The following PEX13 variants were observed in gnomAD, a reference collection of about 807,000 sequenced individuals.
PEX13 encodes the protein peroxisome biogenesis factor 13.
Under a neutral mutation model 34.5 loss-of-function variants are expected in PEX13, and 28 were observed. The observed-to-expected ratio is 0.81, with a 90% CI of 0.60 to 1.11. The LOEUF (loss-of-function observed/expected upper bound fraction) is 1.11. Ranked by LOEUF, PEX13 falls within the 50% of genes most tolerant of loss-of-function variation. The pLI is 0.00. For missense variants in PEX13, 550 were observed against 491.0 expected (o/e 1.12, Z -1.13); for synonymous variants, 177 against 175.1 (o/e 1.01, Z -0.09).
At chr2:61,031,270 C>G in intron 1 of PEX13, 149 bp from the exon 2 acceptor site, 1 of 705,142 alleles carries the variant, frequency 1.4e-6, no homozygotes, top group Admixed American at 2.1e-5. Flanking sequence ...CCAGCTTGGG[C>G]AACAGAGTGA....
chr2:61,032,145 A>G, intron 2 of PEX13, 32 bp downstream of exon 2: 2 of 1,370,426 alleles, frequency 1.5e-6, no homozygotes, highest in Non-Finnish European at 2.1e-6. Context: ...AGGTTCAGAT[A>G]CCATATAACA....
intron 2 of PEX13, among the ~76,000 whole-genome samples, chr2:61,039,590 A>C (rs1680589149): frequency 6.6e-6 from 1 of 152,214 alleles, no homozygotes; most frequent in African/African-American, 2.4e-5. Flanking sequence ...ACAAAAATTA[A>C]CTCAAGATGG....
intron 1 of PEX13, among the ~76,000 whole-genome samples, chr2:61,027,383 A>G (rs2104800236): frequency 6.6e-6 from 1 of 151,550 alleles, no homozygotes; most frequent in East Asian, 1.9e-4. Flanking sequence ...AAAAACAGCG[A>G]GTTAGATTAA....
At chr2:61,036,355 G>GA (rs1304544726) in intron 2 of PEX13, among the ~76,000 whole-genome samples, 3 of 152,098 alleles carry the variant, frequency 2.0e-5, no homozygotes, top group Admixed American at 1.3e-4. Flanking sequence ...TGAAATGAAG[G>GA]AAAAAATGTT....
intron 2 of PEX13, among the ~76,000 whole-genome samples, chr2:61,041,955 A>G (rs1680632256): frequency 6.6e-6 from 1 of 151,872 alleles, no homozygotes; most frequent in Non-Finnish European, 1.5e-5. Flanking sequence ...AATGATACAA[A>G]GAGATTTTTG....
intron 2 of PEX13, among the ~76,000 whole-genome samples, chr2:61,032,869 G>A (rs546355118): frequency 6.6e-6 from 1 of 152,276 alleles, no homozygotes; most frequent in South Asian, 2.1e-4. Context: ...TTGAACAAAA[G>A]TATATAGGCA....
In PEX13 at chr2:61,048,872, T is replaced by C. The variant is rs770691305; in HGVS notation, c.*102T>C. On this transcript the variant is annotated 3_prime_UTR_variant, in exon 4 of 4. Coordinates refer to ENST00000295030, the MANE Select transcript of PEX13 (RefSeq NM_002618.4). ...TACAATCCAATGAAAACATTTGTTATTGGCTATTTCAGGTGTTTTGCTGCT... is the reference window on the plus strand; with the variant it reads ...TACAATCCAATGAAAACATTTGTTACTGGCTATTTCAGGTGTTTTGCTGCT... 110 of 1,021,048 alleles carry C rather than the reference T, an allele frequency of 1.1e-4. No individual in the cohort carries two copies. Among genetic ancestry groups the C allele is most frequent in the Non-Finnish European group, 1.5e-4 (98 of 670,360 alleles). The allele number at this position is 1,021,048 out of a possible 1,614,324, so 63.2% of individuals were successfully genotyped here. A position where few individuals can be genotyped will look rare whatever the true frequency, so the allele number is the denominator to read the frequency against.
At chr2:61,035,360 A>G (rs990220565) in intron 2 of PEX13, among the ~76,000 whole-genome samples, 3 of 152,214 alleles carry the variant, frequency 2.0e-5, no homozygotes, top group Non-Finnish European at 2.9e-5. Flanking sequence ...AACTACAAAG[A>G]TGGGGAGAAA....
Position 61,051,116 on chromosome 2 carries a change from AAAAT to A in PEX13, c.*2352_*2355del, listed in dbSNP as rs1426183491. 6.6e-6 allele frequency: 1 copy of A among 152,292 alleles called. No individual in the cohort carries two copies. Among genetic ancestry groups the A allele is most frequent in the African/African-American group, 2.4e-5 (1 of 41,444 alleles). 9.4% of individuals were successfully genotyped at this position (152,292 alleles called of 1,614,324 possible). A position where few individuals can be genotyped will look rare whatever the true frequency, so the allele number is the denominator to read the frequency against. ...AATAGAAATCTTGACCCAGTGCAGAAAAATAAATATAGTAAAATTTATTTATCTT... is the reference window on the plus strand; with the variant it reads ...AATAGAAATCTTGACCCAGTGCAGAAAAATATAGTAAAATTTATTTATCTT... On this transcript the variant is annotated 3_prime_UTR_variant, in exon 4 of 4. Coordinates refer to ENST00000295030, the MANE Select transcript of PEX13 (RefSeq NM_002618.4).
Position 61,017,729 on chromosome 2 carries a change from T to G in PEX13, c.-31T>G, listed in dbSNP as rs1283592074. On this transcript the variant is annotated 5_prime_UTR_variant, in exon 1 of 4. Coordinates refer to ENST00000295030, the MANE Select transcript of PEX13 (RefSeq NM_002618.4). ...CTACGCGGGCCTGGACAGTCAGGGG[T>G]AGGAGCGGGAGCCGAGAGGAGGCGG... The G allele has an allele frequency of 1.3e-6, 2 of 1,533,886 alleles. No individual in the cohort carries two copies. The highest frequency in any genetic ancestry group is 1.8e-6 in the Non-Finnish European group (2 of 1,133,820).
intron 1 of PEX13, among the ~76,000 whole-genome samples, chr2:61,029,086 C>T (rs1434832619): frequency 6.8e-6 from 1 of 146,808 alleles, no homozygotes; most frequent in African/African-American, 2.5e-5. Flanking sequence ...ATTACTTGAG[C>T]TGTGTTTGCG....
chr2:61,043,525 G>A (rs747111353), intron 2 of PEX13, among the ~76,000 whole-genome samples: 2 of 152,174 alleles, frequency 1.3e-5, no homozygotes, highest in Non-Finnish European at 2.9e-5. Flanking sequence ...CTGCTAAGAT[G>A]TGTTGCACCT....
chr2:61,040,599 C>T (rs971469974), intron 2 of PEX13, among the ~76,000 whole-genome samples: 2 of 151,512 alleles, frequency 1.3e-5, no homozygotes, highest in Admixed American at 1.3e-4. Flanking sequence ...GGTGGAGGGG[C>T]TTGGAGATGG....
At chr2:61,018,189 A>G (rs1165351136) in intron 1 of PEX13, 1 of 1,550,894 alleles carries the variant, frequency 6.4e-7, no homozygotes, top group Admixed American at 2.0e-5. Context: ...TAAAGCGTAG[A>G]CTTTGGTCTG....
At position 61,031,596 on chromosome 2, in the gene PEX13, T is replaced by C. The variant is rs946922546; in HGVS notation, c.270T>C (p.Tyr90=). ...SGYGAYGNSF[Y]GGYSPYSYGY... ...ATGGTGCCTATGGAAATTCATTTTA[T>C]GGAGGCTATAGTCCTTATAGTTATG... Residue 90 remains tyrosine (Y), a synonymous_variant, in exon 2 of 4, where the codon TAT becomes TAC. Coordinates refer to ENST00000295030, the MANE Select transcript of PEX13 (RefSeq NM_002618.4). 7 of 1,614,212 alleles carry C rather than the reference T, an allele frequency of 4.3e-6. No homozygotes were observed. In the African/African-American group the frequency reaches 8.0e-5, roughly 18 times the overall value.
At chr2:61,032,568 G>A (rs539606623) in intron 2 of PEX13, among the ~76,000 whole-genome samples, 1 of 152,274 alleles carries the variant, frequency 6.6e-6, no homozygotes, top group East Asian at 1.9e-4. Flanking sequence ...ACAATCCAAA[G>A]AGATAGGAAT....
intron 1 of PEX13, among the ~76,000 whole-genome samples, chr2:61,021,528 G>A (rs549068171): frequency 1.3e-5 from 2 of 152,210 alleles, no homozygotes; most frequent in Non-Finnish European, 2.9e-5. Flanking sequence ...AGCTTGAACT[G>A]GGAGGAGCCC....
intron 2 of PEX13, among the ~76,000 whole-genome samples, chr2:61,041,097 G>T (rs540544759): frequency 3.0e-4 from 45 of 152,166 alleles, no homozygotes; most frequent in African/African-American, 1.0e-3. Flanking sequence ...GATCGCTTAA[G>T]CCTGGCAAAT....
At chr2:61,035,573 G>GA (rs1483897183) in intron 2 of PEX13, among the ~76,000 whole-genome samples, 2 of 151,968 alleles carry the variant, frequency 1.3e-5, no homozygotes, top group African/African-American at 4.8e-5. Context: ...TAAAAACCTT[G>GA]AAAAAAGGTT....
Sources: gnomAD v4.1 joint callset for allele counts (sites outside exome capture counted in the v4.1 genomes callset) on GRCh38, gnomAD v4.1.1 for gene constraint, MANE v1.5 for transcripts, NCBI Gene and HGNC (gene_info 2026-07-23, HGNC 2026-07-21) for gene names.